SAXO1: variants seen among roughly 807,000 people sequenced by gnomAD.
SAXO1 encodes stabilizer of axonemal microtubules 1.
SAXO1 carries 21 observed loss-of-function variants against 17.5 expected under a neutral mutation model. That is an observed-to-expected ratio of 1.20 (90% CI 0.85 to 1.72). SAXO1 has a LOEUF of 1.72. SAXO1 is among the 40% of genes most tolerant of loss of function. The probability of loss-of-function intolerance (pLI) is 0.00; values close to 1 mark genes in which losing one functional copy is unlikely to be tolerated. For synonymous variants in SAXO1, 274 were observed against 216.5 expected (o/e 1.27, Z -2.33); for missense variants, 843 against 596.0 (o/e 1.41, Z -4.32).
intron 1 of SAXO1, chr9:19,027,878 G>C: frequency 1.5e-6 from 2 of 1,376,110 alleles, no homozygotes; most frequent in Non-Finnish European, 2.0e-6. Context: ...GGGCGGCCTG[G>C]ACCGCAAGAT....
chr9:18,979,907 G>C (rs1833301985), intron 1 of SAXO1, among the ~76,000 whole-genome samples: 3 of 152,164 alleles, frequency 2.0e-5, no homozygotes, highest in Admixed American at 2.0e-4. Flanking sequence ...AGATGATGAA[G>C]ACCTACACTA....
chr9:19,047,537 A>G (rs1836250007), intron 1 of SAXO1, among the ~76,000 whole-genome samples: 1 of 152,102 alleles, frequency 6.6e-6, no homozygotes, highest in Non-Finnish European at 1.5e-5. Flanking sequence ...AGTCCAGTAC[A>G]ATGCAAATTT....
intron 1 of SAXO1, among the ~76,000 whole-genome samples, chr9:18,999,074 CATA>C (rs1459042859): frequency 6.6e-6 from 1 of 152,218 alleles, no homozygotes; most frequent in Non-Finnish European, 1.5e-5. Context: ...CAGCTAGCAT[CATA>C]ATGACATGAT....
intron 1 of SAXO1, among the ~76,000 whole-genome samples, chr9:18,958,510 C>G (rs1158755664): frequency 2.0e-5 from 3 of 151,870 alleles, no homozygotes; most frequent in Non-Finnish European, 4.4e-5. Flanking sequence ...AGGGCCAACC[C>G]CTGAAGTATA....
chr9:19,022,790 A>G (rs2131023581), intron 1 of SAXO1, among the ~76,000 whole-genome samples: 1 of 152,344 alleles, frequency 6.6e-6, no homozygotes. Flanking sequence ...ACAGCCATTT[A>G]GAAACATTTT....
At chr9:18,972,790 G>A (rs1394777376) in intron 1 of SAXO1, among the ~76,000 whole-genome samples, 2 of 152,126 alleles carry the variant, frequency 1.3e-5, no homozygotes, top group Non-Finnish European at 2.9e-5. Flanking sequence ...CCTTTGTCCA[G>A]CCCCTACATC....
At chr9:19,017,608 T>C (rs564615178) in intron 1 of SAXO1, among the ~76,000 whole-genome samples, 35 of 152,270 alleles carry the variant, frequency 2.3e-4, no homozygotes, top group Non-Finnish European at 4.0e-4. Flanking sequence ...TATTCCAACC[T>C]TGCCTCTCCA....
intron 1 of SAXO1, chr9:19,027,665 A>C: frequency 7.3e-7 from 1 of 1,371,008 alleles, no homozygotes; most frequent in Non-Finnish European, 1.0e-6. Context: ...GGCCAAGGAG[A>C]AAGCGCCCTC....
At chr9:19,012,095 TGG>T (rs1563980495) in intron 1 of SAXO1, among the ~76,000 whole-genome samples, 6 of 151,826 alleles carry the variant, frequency 4.0e-5, no homozygotes, top group Admixed American at 3.9e-4. Context: ...CCGCCCACCT[TGG>T]CCTCCCAAAG....
Position 18,928,522 on chromosome 9 carries a change from C to A in SAXO1, c.955G>T (p.Ala319Ser), listed in dbSNP as rs1337135770. ...TGAAGTGCAGGTCGGCAGGACTGAG[C>A]TGGGGCACCCTTAGGGCATGTGTAA... is the stretch of plus-strand genomic sequence containing the variant. ...AHYTCPKGAP[A>S]QSCRPALQIK... The change falls in exon 4 of 4, where the codon GCT becomes TCT. Residue 319 changes from alanine (A) to serine (S), a missense_variant. Coordinates refer to ENST00000380534, the MANE Select transcript of SAXO1 (RefSeq NM_153707.4). 6.2e-7 allele frequency: 1 copy of A among 1,613,974 alleles called. No homozygotes were observed. The highest frequency in any genetic ancestry group is 1.7e-5 in the Admixed American group (1 of 60,014).
chr9:18,932,144 T>C (rs1831081120), intron 3 of SAXO1, among the ~76,000 whole-genome samples: 2 of 152,216 alleles, frequency 1.3e-5, no homozygotes, highest in South Asian at 4.1e-4. Context: ...TATCATAGAT[T>C]TTTCTCCCAT....
chr9:18,996,934 G>A (rs1834029882), intron 1 of SAXO1, among the ~76,000 whole-genome samples: 1 of 152,034 alleles, frequency 6.6e-6, no homozygotes, highest in African/African-American at 2.4e-5. Context: ...GATCTCATAT[G>A]TAAAACCCAA....
At chr9:19,029,775 T>C (rs1835673205) in intron 1 of SAXO1, among the ~76,000 whole-genome samples, 1 of 152,248 alleles carries the variant, frequency 6.6e-6, no homozygotes, top group South Asian at 2.1e-4. Flanking sequence ...TTTTTAGTTT[T>C]ATTTAACTTT....
chr9:18,931,985 C>G (rs907629645), intron 3 of SAXO1, among the ~76,000 whole-genome samples: 1 of 152,124 alleles, frequency 6.6e-6, no homozygotes, highest in East Asian at 1.9e-4. Flanking sequence ...ATTATTTTAA[C>G]AAAACACCCA....
intron 1 of SAXO1, among the ~76,000 whole-genome samples, chr9:19,047,092 C>G (rs1007261556): frequency 6.6e-6 from 1 of 152,096 alleles, no homozygotes; most frequent in Non-Finnish European, 1.5e-5. Flanking sequence ...GAGGCTGAGC[C>G]GGGAGAATGG....
chr9:18,952,308 G>A (rs1345451722), intron 1 of SAXO1, among the ~76,000 whole-genome samples: 1 of 152,148 alleles, frequency 6.6e-6, no homozygotes, highest in Non-Finnish European at 1.5e-5. Flanking sequence ...TTTCATCACA[G>A]AAATTAAAAT....
intron 1 of SAXO1, among the ~76,000 whole-genome samples, chr9:19,019,081 C>T (rs1241517229): frequency 6.6e-6 from 1 of 151,816 alleles, no homozygotes; most frequent in Non-Finnish European, 1.5e-5. Context: ...TGCACTCCAG[C>T]CTGGGCAACA....
intron 2 of SAXO1, among the ~76,000 whole-genome samples, chr9:18,946,757 G>GCTCAT (rs1196022548): frequency 2.0e-5 from 3 of 152,108 alleles, no homozygotes; most frequent in Non-Finnish European, 2.9e-5. Flanking sequence ...GGAAAGCAAA[G>GCTCAT]TAAGGCCATA....
intron 1 of SAXO1, among the ~76,000 whole-genome samples, chr9:19,028,343 T>C (rs992624497): frequency 2.6e-5 from 4 of 152,078 alleles, no homozygotes; most frequent in Non-Finnish European, 4.4e-5. Context: ...GCCATTGCAC[T>C]CCAGCCTGGG....
Sources: gnomAD v4.1 joint callset for allele counts (sites outside exome capture counted in the v4.1 genomes callset) on GRCh38, gnomAD v4.1.1 for gene constraint, MANE v1.5 for transcripts, NCBI Gene and HGNC (gene_info 2026-07-23, HGNC 2026-07-21) for gene names.